Variants in CCDC171 observed in about 807,000 individuals in gnomAD.
The protein encoded by CCDC171 is coiled-coil domain containing 171, also known as coiled-coil domain-containing protein 171.
CCDC171 carries 177 observed loss-of-function variants against 168.2 expected under a neutral mutation model. The ratio of observed to expected loss-of-function variants is 1.05; its 90% CI spans 0.93 to 1.19. The LOEUF (loss-of-function observed/expected upper bound fraction) is 1.19, where lower values mean the gene tolerates loss of function less well. Ranked by LOEUF, CCDC171 falls within the 50% of genes most tolerant of loss-of-function variation. CCDC171 has a pLI of 0.00. For synonymous variants in CCDC171, 687 were observed against 540.8 expected, an observed-to-expected ratio of 1.27 and a Z score of -3.75; for missense variants, 1,991 against 1,539.0, an observed-to-expected ratio of 1.29 and a Z score of -4.91.
At chr9:15,978,922 C>T (rs1367059267), downstream of CCDC171, among the ~76,000 whole-genome samples, 1 of 152,124 alleles carries the variant, frequency 6.6e-6, no homozygotes, top group African/African-American at 2.4e-5. Context: ...CCCCTGGTGA[C>T]CATAATCTAC....
intron 21 of CCDC171, among the ~76,000 whole-genome samples, chr9:15,799,354 T>G (rs1400920740): frequency 6.6e-6 from 1 of 151,580 alleles, no homozygotes; most frequent in Non-Finnish European, 1.5e-5. Flanking sequence ...TCTCTTCTGG[T>G]TTGCATTATT....
At position 15,918,652 on chromosome 9, in the gene CCDC171, A is replaced by G. The variant is rs550856459; in HGVS notation, c.3601-1618A>G. ...AGGAAGATAGGTTAGGATATGTCAGATATTCCCAGGTAAGAAGTCATATAA... is the reference window on the plus strand; with the variant it reads ...AGGAAGATAGGTTAGGATATGTCAGGTATTCCCAGGTAAGAAGTCATATAA... On this transcript the variant is annotated intron_variant, in intron 24 of 25. Transcript: ENST00000380701. 2.7e-5 allele frequency among the ~76,000 whole-genome samples: 4 copies of G among 150,926 alleles called. No homozygotes were observed. The South Asian group carries it at 6.2e-4, about 24-fold the overall frequency.
intron 21 of CCDC171, among the ~76,000 whole-genome samples, chr9:15,788,681 C>G (rs1219966390): frequency 1.3e-5 from 2 of 151,612 alleles, no homozygotes; most frequent in African/African-American, 4.8e-5. Context: ...TATCAAGAAG[C>G]TGGGTCTACA....
chr9:15,575,470 G>A (rs538496116), intron 3 of CCDC171, among the ~76,000 whole-genome samples: 12 of 152,154 alleles, frequency 7.9e-5, no homozygotes, highest in Non-Finnish European at 1.3e-4. Context: ...CACCGTACTC[G>A]GCTGACATAA....
chr9:15,837,757 T>C (rs1212304390), intron 21 of CCDC171, among the ~76,000 whole-genome samples: 1 of 151,988 alleles, frequency 6.6e-6, no homozygotes, highest in East Asian at 1.9e-4. Flanking sequence ...AAGTGAAGAG[T>C]GGTTAAAAAT....
intron 1 of CCDC171, among the ~76,000 whole-genome samples, chr9:16,048,911 GA>G (rs1833706650): frequency 6.9e-6 from 1 of 144,182 alleles, no homozygotes; most frequent in African/African-American, 2.5e-5. Context: ...CTGAGAGACA[GA>G]AGTGATGAGT....
rs1364662057 is a variant in CCDC171, at chr9:15,874,555, A to G, written c.3492A>G (p.Ser1164=). 1.9e-6 allele frequency: 3 copies of G among 1,606,260 alleles called. No individual in the cohort carries two copies. The highest frequency in any genetic ancestry group is 1.3e-5 in the African/African-American group (1 of 74,348). Residue 1164 remains serine (S), a synonymous_variant, in exon 24 of 26, where the codon TCA becomes TCG. Coordinates refer to ENST00000380701, the MANE Select transcript of CCDC171 (RefSeq NM_173550.4). ...LHKVRDQISL[S]WSAASRNDFT... The stretch of plus-strand genomic sequence containing the variant: ...AGGTCAGAGATCAGATCTCGCTGTC[A>G]TGGTCTGCGGCAAGTAGGAATGACT...
At chr9:15,910,967 C>A (rs1391405310) in intron 24 of CCDC171, among the ~76,000 whole-genome samples, 1 of 152,132 alleles carries the variant, frequency 6.6e-6, no homozygotes, top group Admixed American at 6.5e-5. Flanking sequence ...TGGGTTGGTT[C>A]CGAGTCTTTG....
intron 7 of CCDC171, among the ~76,000 whole-genome samples, chr9:15,644,307 C>G (rs1208438556): frequency 6.6e-6 from 1 of 152,134 alleles, no homozygotes; most frequent in African/African-American, 2.4e-5. Flanking sequence ...CTACAGCACC[C>G]AGCGTGAGTG....
chr9:15,610,226 T>G (rs1032885844), intron 6 of CCDC171, among the ~76,000 whole-genome samples: 2 of 151,364 alleles, frequency 1.3e-5, no homozygotes, highest in African/African-American at 4.9e-5. Flanking sequence ...TCTTTTCTTT[T>G]CTTTCTTCTT....
At chr9:16,083,999 C>T in the CCDC171 span, among the ~76,000 whole-genome samples, 2 of 152,184 alleles carry the variant, frequency 1.3e-5, no homozygotes, top group Non-Finnish European at 2.9e-5. Context: ...AGACTAAAGA[C>T]ACTGAAACAT....
chr9:16,040,427 A>C (rs986345752), upstream of CCDC171, among the ~76,000 whole-genome samples: 1 of 152,160 alleles, frequency 6.6e-6, no homozygotes, highest in Non-Finnish European at 1.5e-5. Flanking sequence ...GCTGGAGCTC[A>C]TCTCAGTGCC....
intron 18 of CCDC171, among the ~76,000 whole-genome samples, chr9:15,774,600 A>G (rs573264856): frequency 6.6e-6 from 1 of 152,356 alleles, no homozygotes; most frequent in South Asian, 2.1e-4. Flanking sequence ...CAGTCTCACT[A>G]CTACATATCT....
At chr9:15,696,063 G>T (rs901764545) in intron 11 of CCDC171, among the ~76,000 whole-genome samples, 3 of 152,092 alleles carry the variant, frequency 2.0e-5, no homozygotes, top group Non-Finnish European at 2.9e-5. Context: ...CTTTTGCCCT[G>T]CTTTCAGCCC....
intron 7 of CCDC171, among the ~76,000 whole-genome samples, chr9:15,634,649 G>C (rs1478266169): frequency 6.6e-6 from 1 of 152,160 alleles, no homozygotes; most frequent in Non-Finnish European, 1.5e-5. Flanking sequence ...ACACTTTATA[G>C]AGATGTAATT....
chr9:15,761,843 TCAAA>T (rs1165011740), intron 18 of CCDC171, among the ~76,000 whole-genome samples: 1 of 151,702 alleles, frequency 6.6e-6, no homozygotes, highest in Non-Finnish European at 1.5e-5. Flanking sequence ...CCATATTTTT[TCAAA>T]CATTTTATGA....
At chr9:15,991,656 A>G (rs1357347657) in intron 3 of CCDC171, among the ~76,000 whole-genome samples, 1 of 152,178 alleles carries the variant, frequency 6.6e-6, no homozygotes, top group African/African-American at 2.4e-5. Flanking sequence ...TTTTTTGAAA[A>G]GATCAACAAA....
chr9:15,614,007 A>G (rs1279604733), intron 6 of CCDC171, among the ~76,000 whole-genome samples: 1 of 152,202 alleles, frequency 6.6e-6, no homozygotes, highest in Non-Finnish European at 1.5e-5. Flanking sequence ...CCGTGAACAA[A>G]TAAGTCTTCT....
chr9:15,871,538 T>A (rs1205293594), intron 23 of CCDC171, among the ~76,000 whole-genome samples: 1 of 151,972 alleles, frequency 6.6e-6, no homozygotes, highest in East Asian at 1.9e-4. Context: ...AGTAACTAAT[T>A]TGCTTTAGAT....
Sources: gnomAD v4.1 joint callset for allele counts (sites outside exome capture counted in the v4.1 genomes callset) on GRCh38, gnomAD v4.1.1 for gene constraint, MANE v1.5 for transcripts, NCBI Gene and HGNC (gene_info 2026-07-23, HGNC 2026-07-21) for gene names.